The following SLC28A3 variants were observed in gnomAD, a reference collection of about 807,000 sequenced individuals.
The protein encoded by SLC28A3 is concentrative Na(+)-nucleoside cotransporter 3.
SLC28A3 carries 68 observed loss-of-function variants against 84.2 expected under a neutral mutation model. That is an observed-to-expected ratio of 0.81 (90% CI 0.66 to 0.99). SLC28A3 has a LOEUF of 0.99. SLC28A3 is among the 50% of genes least tolerant of loss of function. SLC28A3 has a pLI of 0.00. For synonymous variants in SLC28A3, 267 were observed against 303.6 expected (o/e 0.88, Z 1.25); for missense variants, 712 against 841.5 (o/e 0.85, Z 1.90).
the SLC28A3 span, among the ~76,000 whole-genome samples, chr9:84,363,868 G>T: frequency 1.3e-5 from 2 of 152,040 alleles, no homozygotes; most frequent in East Asian, 3.8e-4. Flanking sequence ...GGGATTACAG[G>T]CTTAAGCCAC....
intron 6 of SLC28A3, among the ~76,000 whole-genome samples, chr9:84,298,867 G>A (rs1030056964): frequency 3.9e-5 from 6 of 152,154 alleles, no homozygotes; most frequent in Admixed American, 3.9e-4. Flanking sequence ...AGGAATGGAC[G>A]ATCATTTGCT....
At chr9:84,340,338 A>C (rs78626423) in intron 1 of SLC28A3, among the ~76,000 whole-genome samples, 4,042 of 152,296 alleles carry the variant, frequency 0.027, 192 homozygotes, top group African/African-American at 0.092. Flanking sequence ...GCAAGAGAAG[A>C]AGGCTGTCTT....
chr9:84,327,142 C>A (rs1165985049), intron 1 of SLC28A3, among the ~76,000 whole-genome samples: 2 of 152,040 alleles, frequency 1.3e-5, no homozygotes, highest in Non-Finnish European at 2.9e-5. Flanking sequence ...GTAGAAATAA[C>A]AGAATTCAAT....
chr9:84,361,698 G>A, the SLC28A3 span, among the ~76,000 whole-genome samples: 26 of 151,862 alleles, frequency 1.7e-4, no homozygotes, highest in African/African-American at 6.3e-4. Flanking sequence ...CGCCCCTAGG[G>A]TAGATTCCCC....
At chr9:84,289,639 A>C (rs1448480588) in intron 11 of SLC28A3, among the ~76,000 whole-genome samples, 1 of 152,252 alleles carries the variant, frequency 6.6e-6, no homozygotes, top group Admixed American at 6.5e-5. Context: ...ACTGCTCTAG[A>C]CCAGGGGTCA....
chr9:84,312,409 A>G (rs774083795), intron 2 of SLC28A3, among the ~76,000 whole-genome samples: 2 of 152,102 alleles, frequency 1.3e-5, no homozygotes, highest in Non-Finnish European at 2.9e-5. Context: ...TTTTTTCTTG[A>G]ATTATAAGCC....
the SLC28A3 span, among the ~76,000 whole-genome samples, chr9:84,361,469 C>T: frequency 1.3e-5 from 2 of 152,252 alleles, no homozygotes; most frequent in East Asian, 3.9e-4. Context: ...TTCCTGTTTT[C>T]AGAAAAAGAA....
At chr9:84,333,813 T>C (rs984908805) in intron 1 of SLC28A3, among the ~76,000 whole-genome samples, 5 of 152,176 alleles carry the variant, frequency 3.3e-5, no homozygotes, top group African/African-American at 1.2e-4. Context: ...CCAGAGTAAA[T>C]TTATTACAGA....
intron 10 of SLC28A3, among the ~76,000 whole-genome samples, chr9:84,290,598 G>T (rs1825174299): frequency 6.6e-6 from 1 of 152,066 alleles, no homozygotes; most frequent in Non-Finnish European, 1.5e-5. Flanking sequence ...TCCATATGTG[G>T]TCATGTATAA....
At chr9:84,322,722 G>A (rs1376714274) in intron 1 of SLC28A3, among the ~76,000 whole-genome samples, 1 of 152,104 alleles carries the variant, frequency 6.6e-6, no homozygotes, top group Non-Finnish European at 1.5e-5. Flanking sequence ...TTGCATGCCT[G>A]TAATCCCAGC....
chr9:84,317,734 G>A (rs1275321272), intron 1 of SLC28A3, among the ~76,000 whole-genome samples: 5 of 152,194 alleles, frequency 3.3e-5, no homozygotes, highest in Admixed American at 3.3e-4. Context: ...AATGGAGGCA[G>A]TACCTACCTA....
chr9:84,290,395 C>T, intron 10 of SLC28A3, 116 bp from the exon 11 acceptor site: 1 of 1,244,744 alleles, frequency 8.0e-7, no homozygotes, highest in African/African-American at 1.5e-5. Flanking sequence ...AAGAGTGAAC[C>T]TCAGACCAGC....
intron 8 of SLC28A3, among the ~76,000 whole-genome samples, chr9:84,295,834 C>T (rs1417845523): frequency 6.6e-6 from 1 of 151,978 alleles, no homozygotes; most frequent in Admixed American, 6.6e-5. Context: ...ACAGAATGAC[C>T]GAGGACAATT....
chr9:84,336,574 G>T (rs1826983448), intron 1 of SLC28A3, among the ~76,000 whole-genome samples: 1 of 152,186 alleles, frequency 6.6e-6, no homozygotes, highest in Admixed American at 6.5e-5. Context: ...TACTCAGGAG[G>T]CTGAGGTGGG....
At chr9:84,331,900 A>G (rs1459528367) in intron 1 of SLC28A3, among the ~76,000 whole-genome samples, 1 of 152,196 alleles carries the variant, frequency 6.6e-6, no homozygotes, top group Non-Finnish European at 1.5e-5. Context: ...CCTGTTCCAA[A>G]AAGCCTCTCC....
chr9:84,348,976 C>T, the SLC28A3 span, among the ~76,000 whole-genome samples: 29 of 151,088 alleles, frequency 1.9e-4, no homozygotes, highest in African/African-American at 6.3e-4. Flanking sequence ...GGGGCGATCT[C>T]GGCTCACTGC....
chr9:84,309,845 C>A, intron 2 of SLC28A3, 131 bp from the exon 3 acceptor site: 4 of 690,014 alleles, frequency 5.8e-6, no homozygotes, highest in Non-Finnish European at 9.8e-6. Context: ...AAGAAGATGG[C>A]TCCTATTATC....
the SLC28A3 span, among the ~76,000 whole-genome samples, chr9:84,361,228 C>G: frequency 6.6e-6 from 1 of 152,008 alleles, no homozygotes; most frequent in African/African-American, 2.4e-5. Flanking sequence ...GCTTGTAATC[C>G]CAGTTACTCG....
chr9:84,312,646 C>A (rs1342886885), intron 2 of SLC28A3, among the ~76,000 whole-genome samples: 4 of 149,776 alleles, frequency 2.7e-5, no homozygotes, highest in African/African-American at 9.9e-5. Flanking sequence ...TCAAGTGATT[C>A]TCCTGCCTCA....
Sources: allele counts gnomAD v4.1 joint callset (sites outside exome capture counted in the v4.1 genomes callset), GRCh38; gene constraint gnomAD v4.1.1; transcripts MANE v1.5; gene names NCBI Gene and HGNC (gene_info 2026-07-23, HGNC 2026-07-21).